PHLDB2: variants seen among roughly 807,000 people sequenced by gnomAD.
PHLDB2 encodes pleckstrin homology-like domain family B member 2.
Under a neutral mutation model 123.6 loss-of-function variants are expected in PHLDB2, and 71 were observed. The observed-to-expected ratio is 0.57, with a 90% CI of 0.47 to 0.70. The LOEUF is 0.70. Ranked by LOEUF, PHLDB2 falls within the 30% of genes least tolerant of loss-of-function variation. The pLI, the probability that PHLDB2 is intolerant of heterozygous loss-of-function variation, is 0.00. For synonymous variants in PHLDB2, 547 were observed against 541.6 expected (o/e 1.01, Z -0.14); for missense variants, 1,446 against 1,519.5 (o/e 0.95, Z 0.80).
intron 2 of PHLDB2, among the ~76,000 whole-genome samples, chr3:111,890,179 C>T (rs1308605915): frequency 2.6e-5 from 4 of 152,222 alleles, no homozygotes; most frequent in Non-Finnish European, 5.9e-5. Context: ...GTGGTCAGAT[C>T]GTGAAACCAG....
In PHLDB2 at chr3:111,834,292, T is replaced by C. The variant is rs1179670120; in HGVS notation, c.-48-11529T>C. Among the ~76,000 whole-genome samples the C allele has an allele frequency of 1.8e-4, 24 of 136,900 alleles. No homozygotes were observed. In the East Asian group the frequency reaches 4.1e-3, roughly 24 times the overall value. The allele number at this position is 136,900 out of a possible 152,430, so 89.8% of individuals were successfully genotyped here. ...ATACATAATATATATAATTCTATTA[T>C]ATACATAATATATATAATTCTATTA... is the stretch of plus-strand genomic sequence containing the variant. On this transcript the variant is annotated intron_variant, in intron 1 of 17. Coordinates refer to the PHLDB2 transcript ENST00000393923.
intron 8 of PHLDB2, among the ~76,000 whole-genome samples, chr3:111,943,250 ACTGT>A (rs2070035531): frequency 6.6e-6 from 1 of 152,196 alleles, no homozygotes; most frequent in African/African-American, 2.4e-5. Context: ...ATACATATAT[ACTGT>A]CTTTTGATTT....
At chr3:111,937,868 G>A (rs540238895) in intron 6 of PHLDB2, among the ~76,000 whole-genome samples, 18 of 151,032 alleles carry the variant, frequency 1.2e-4, no homozygotes, top group Admixed American at 7.2e-4. Flanking sequence ...CCAAAAATAA[G>A]AGGGTGTTTA....
At chr3:111,927,290 G>A (rs1383712474) in intron 5 of PHLDB2, among the ~76,000 whole-genome samples, 3 of 152,114 alleles carry the variant, frequency 2.0e-5, no homozygotes, top group Admixed American at 1.3e-4. Context: ...ACTTTGAGAG[G>A]CTGAGGCAAG....
At chr3:111,888,917 C>A (rs186178172) in intron 2 of PHLDB2, among the ~76,000 whole-genome samples, 1 of 152,162 alleles carries the variant, frequency 6.6e-6, no homozygotes, top group Non-Finnish European at 1.5e-5. Context: ...TTTCCATCAA[C>A]TTCTGCCCTT....
At chr3:111,743,997 A>C (rs1349029574) in intron 1 of PHLDB2, among the ~76,000 whole-genome samples, 1 of 152,248 alleles carries the variant, frequency 6.6e-6, no homozygotes, top group African/African-American at 2.4e-5. Context: ...ACAAATGCTT[A>C]AACAAAGGTA....
chr3:111,825,529 C>G (rs1239658035), intron 1 of PHLDB2, among the ~76,000 whole-genome samples: 1 of 152,194 alleles, frequency 6.6e-6, no homozygotes, highest in African/African-American at 2.4e-5. Flanking sequence ...CTCATGGGAG[C>G]CTCTGCCTGA....
intron 1 of PHLDB2, among the ~76,000 whole-genome samples, chr3:111,879,746 T>C (rs1283010): frequency 0.019 from 2,850 of 152,302 alleles, 91 homozygotes; most frequent in African/African-American, 0.064. Context: ...GCCTGTATCA[T>C]AGAAGGGTCC....
At chr3:111,753,145 G>A (rs1375571952) in intron 1 of PHLDB2, among the ~76,000 whole-genome samples, 1 of 151,102 alleles carries the variant, frequency 6.6e-6, no homozygotes, top group Non-Finnish European at 1.5e-5. Flanking sequence ...ATGATTTATA[G>A]TCCTTTGGGT....
chr3:111,822,752 T>C (rs1019295789), intron 1 of PHLDB2, among the ~76,000 whole-genome samples: 1 of 152,156 alleles, frequency 6.6e-6, no homozygotes, highest in African/African-American at 2.4e-5. Flanking sequence ...TTGGTCCAAA[T>C]TCCCTGCTTG....
intron 5 of PHLDB2, 121 bp from the exon 6 acceptor site, chr3:111,932,148 A>G: frequency 1.8e-6 from 2 of 1,090,400 alleles, no homozygotes; most frequent in Non-Finnish European, 2.6e-6. Context: ...ACGTTTCTAC[A>G]TTCATAGATT....
intron 2 of PHLDB2, among the ~76,000 whole-genome samples, chr3:111,911,398 G>A (rs138380797): frequency 7.6e-4 from 116 of 152,332 alleles, no homozygotes; most frequent in African/African-American, 2.6e-3. Context: ...GAAGTAAAAT[G>A]TAACATCTTG....
chr3:111,832,039 C>G (rs114886235), intron 1 of PHLDB2, among the ~76,000 whole-genome samples: 367 of 152,158 alleles, frequency 2.4e-3, no homozygotes, highest in African/African-American at 8.4e-3. Flanking sequence ...ATGAGTTTTG[C>G]CTTTGACCCT....
At chr3:111,861,666 G>A (rs1228608434) in intron 1 of PHLDB2, among the ~76,000 whole-genome samples, 1 of 152,214 alleles carries the variant, frequency 6.6e-6, no homozygotes, top group East Asian at 1.9e-4. Context: ...GGGAGGAAAA[G>A]ATACTTGGGA....
intron 15 of PHLDB2, 150 bp downstream of exon 15, chr3:111,967,974 G>GTAAAAA: frequency 2.4e-5 from 1 of 41,060 alleles, no homozygotes; most frequent in Non-Finnish European, 4.0e-5. Context: ...GCATTCCTGT[G>GTAAAAA]CAAAAAAAAA....
intron 1 of PHLDB2, among the ~76,000 whole-genome samples, chr3:111,830,953 A>AG (rs2062946294): frequency 2.4e-5 from 2 of 84,702 alleles, no homozygotes; most frequent in Non-Finnish European, 4.2e-5. Flanking sequence ...GAAAGAAAGA[A>AG]AGAGAAAGAA....
rs1236119805 is a variant in PHLDB2, at chr3:111,946,626, G to A, written c.2487+1269G>A. Among the ~76,000 whole-genome samples, 6 of 152,206 alleles carry A rather than the reference G, an allele frequency of 3.9e-5. 1 individual carries two copies. Among genetic ancestry groups the A allele is most frequent in the East Asian group, 3.8e-4 (2 of 5,198 alleles). The stretch of plus-strand genomic sequence containing the variant: ...AACTGTCAGGTTCAATGAACAAAGC[G>A]TGGTTGTGAATGGAATGTCATGGCC... On this transcript the variant is annotated intron_variant, in intron 9 of 17. Coordinates refer to ENST00000431670, the MANE Select transcript of PHLDB2 (RefSeq NM_001134438.2).
chr3:111,767,041 A>T (rs2060096088), intron 1 of PHLDB2, among the ~76,000 whole-genome samples: 1 of 77,292 alleles, frequency 1.3e-5, no homozygotes, highest in South Asian at 8.3e-4. Context: ...AAAAAAAAAA[A>T]AAAAAAAAAA....
At chr3:111,829,927 A>AACACACACACACACACACAC (rs72357648) in intron 1 of PHLDB2, among the ~76,000 whole-genome samples, 2 of 135,942 alleles carry the variant, frequency 1.5e-5, no homozygotes, top group African/African-American at 2.8e-5. Context: ...AACTATTCAA[A>AACACACACACACACACACAC]ACACACACAC....
Sources: allele counts gnomAD v4.1 joint callset (sites outside exome capture counted in the v4.1 genomes callset), GRCh38; gene constraint gnomAD v4.1.1; transcripts MANE v1.5; gene names NCBI Gene and HGNC (gene_info 2026-07-23, HGNC 2026-07-21).